Variants in ZC3H11A observed in about 807,000 individuals in gnomAD.
ZC3H11A encodes zinc finger CCCH domain-containing protein 11A.
Under a neutral mutation model 90.8 loss-of-function variants are expected in ZC3H11A, and 22 were observed. That is an observed-to-expected ratio of 0.24 (90% CI 0.17 to 0.35). The LOEUF is 0.35. Ranked by LOEUF, ZC3H11A falls within the 10% of genes least tolerant of loss-of-function variation. The probability of loss-of-function intolerance (pLI) is 1.00; values close to 1 mark genes in which losing one functional copy is unlikely to be tolerated. For missense variants in ZC3H11A, 701 were observed against 964.9 expected, an observed-to-expected ratio of 0.73 and a Z score of 3.62; for synonymous variants, 294 against 339.8, an observed-to-expected ratio of 0.87 and a Z score of 1.48.
intron 4 of ZC3H11A, among the ~76,000 whole-genome samples, chr1:203,821,819 G>A (rs1320384213): frequency 2.0e-5 from 3 of 151,264 alleles, no homozygotes; most frequent in Non-Finnish European, 4.4e-5. Flanking sequence ...GTGCAGTGGC[G>A]CGATCTCCGC....
chr1:203,810,621 G>A (rs1674114575), intron 2 of ZC3H11A, among the ~76,000 whole-genome samples: 2 of 151,884 alleles, frequency 1.3e-5, no homozygotes, highest in Non-Finnish European at 2.9e-5. Flanking sequence ...GGGTTTCACA[G>A]TGTCAGCCAG....
At chr1:203,805,702 A>G in intron 2 of ZC3H11A, 1 of 663,532 alleles carries the variant, frequency 1.5e-6, no homozygotes, top group Non-Finnish European at 2.9e-6. Context: ...ACCTTCTGGA[A>G]TTGCAGGTGC....
chr1:203,799,556 C>T, intron 1 of ZC3H11A: 1 of 702,992 alleles, frequency 1.4e-6, no homozygotes, highest in South Asian at 1.5e-5. Flanking sequence ...TTGTGCTCAC[C>T]TCCCTTCAGT....
chr1:203,837,936 A>G (rs781384094), intron 10 of ZC3H11A, 30 bp from the exon 11 acceptor site: 4 of 1,592,614 alleles, frequency 2.5e-6, no homozygotes, highest in African/African-American at 1.4e-5. Context: ...ATTGACTTGA[A>G]ATCTTAAACT....
intron 4 of ZC3H11A, among the ~76,000 whole-genome samples, chr1:203,820,537 G>A (rs1391109945): frequency 2.6e-5 from 4 of 151,392 alleles, no homozygotes; most frequent in South Asian, 4.1e-4. Flanking sequence ...GAGTGCAGTG[G>A]TGGGATCTCA....
At chr1:203,837,082 C>T (rs939749828) in intron 10 of ZC3H11A, among the ~76,000 whole-genome samples, 1 of 151,914 alleles carries the variant, frequency 6.6e-6, no homozygotes, top group Non-Finnish European at 1.5e-5. Flanking sequence ...ATCACCTGAG[C>T]TCAGGAGTTC....
In ZC3H11A at chr1:203,837,183, T is replaced by C. The variant is rs902382579; in HGVS notation, c.875-783T>C. 4.0e-5 allele frequency among the ~76,000 whole-genome samples: 6 copies of C among 150,974 alleles called. No individual in the cohort carries two copies. In the East Asian group the frequency reaches 1.2e-3, roughly 30 times the overall value. On this transcript the variant is annotated intron_variant, in intron 10 of 17. Transcript: ENST00000367210. ...GGCATGTGCCTATAGTCCAGCTACT[T>C]GGGAGGCTGAGGTGGGAGGATCGCT... is the stretch of plus-strand genomic sequence containing the variant.
At position 203,820,858 on chromosome 1, in the gene ZC3H11A, A is replaced by G. The variant is rs538292649; in HGVS notation, c.174+2169A>G. Among the ~76,000 whole-genome samples the G allele has an allele frequency of 4.6e-5, 7 of 152,262 alleles. No homozygotes were observed. The East Asian group carries it at 1.2e-3, about 25-fold the overall frequency. Reference sequence around the variant, plus strand: ...TGGTGATGTTAACTTTGATCACTCAATTAAGATGGTATCTGCCAGATTGCT... The same window carrying G: ...TGGTGATGTTAACTTTGATCACTCAGTTAAGATGGTATCTGCCAGATTGCT... On this transcript the variant is annotated intron_variant, in intron 4 of 17. Coordinates refer to ENST00000367210, the MANE Select transcript of ZC3H11A (RefSeq NM_001376342.1).
At position 203,818,306 on chromosome 1, in the gene ZC3H11A, C is replaced by T. The variant is rs1214678049; in HGVS notation, c.55-264C>T. On this transcript the variant is annotated intron_variant, in intron 3 of 17. Transcript: ENST00000367210. ...AAATACATTTTTAAAGAGGACCTAA[C>T]ACTCCTACTTGTCTTTTTCAACTCT... 3.6e-3 allele frequency among the ~76,000 whole-genome samples: 536 copies of T among 150,886 alleles called. 4 individuals carry two copies. The highest frequency in any genetic ancestry group is 6.5e-3 in the Non-Finnish European group (433 of 66,994).
chr1:203,830,001 A>G, intron 7 of ZC3H11A, 105 bp downstream of exon 7: 1 of 1,271,652 alleles, frequency 7.9e-7, no homozygotes, highest in Non-Finnish European at 1.1e-6. Context: ...TGCTACACGC[A>G]TACTTACCTA....
Position 203,852,697 on chromosome 1 carries a change from A to G in ZC3H11A, c.*298A>G, listed in dbSNP as rs1024126238. On this transcript the variant is annotated 3_prime_UTR_variant, in exon 18 of 18. Coordinates refer to ENST00000367210, the MANE Select transcript of ZC3H11A (RefSeq NM_001376342.1). Reference sequence around the variant, plus strand: ...GAGGGAGATCAAGTGAAAGGGTGCAAGCGAACTTAGTGACTCCTTGAGGTG... The same window carrying G: ...GAGGGAGATCAAGTGAAAGGGTGCAGGCGAACTTAGTGACTCCTTGAGGTG... 2.5e-6 allele frequency: 1 copy of G among 403,676 alleles called. No individual in the cohort carries two copies. The highest frequency in any genetic ancestry group is 2.1e-5 in the African/African-American group (1 of 48,632). The allele number at this position is 403,676 out of a possible 1,614,324, so 25.0% of individuals were successfully genotyped here. A position where few individuals can be genotyped will look rare whatever the true frequency, so the allele number is the denominator to read the frequency against.
At chr1:203,807,325 G>T (rs945716387) in intron 2 of ZC3H11A, among the ~76,000 whole-genome samples, 4 of 152,030 alleles carry the variant, frequency 2.6e-5, no homozygotes, top group Non-Finnish European at 4.4e-5. Flanking sequence ...TTGCTCTTTT[G>T]CCCAGGTTGG....
chr1:203,846,160 TG>T lies in ZC3H11A; in HGVS notation c.1043-1014del, dbSNP rs35704322. ...AGATTTTGAAAAGATATAATTTTTTTGGGGGGGGGGTTCATTAAAAGCTGTT... is the reference window on the plus strand; with the variant it reads ...AGATTTTGAAAAGATATAATTTTTTTGGGGGGGGGTTCATTAAAAGCTGTT... On this transcript the variant is annotated intron_variant, in intron 12 of 17. Coordinates refer to ENST00000367210, the MANE Select transcript of ZC3H11A (RefSeq NM_001376342.1). Among the ~76,000 whole-genome samples, 1,156 of 131,966 alleles carry T rather than the reference TG, an allele frequency of 8.8e-3. 8 individuals carry two copies. Among genetic ancestry groups the T allele is most frequent in the African/African-American group, 0.021 (770 of 36,572 alleles). The allele number at this position is 131,966 out of a possible 152,430, so 86.6% of individuals were successfully genotyped here. A position where few individuals can be genotyped will look rare whatever the true frequency, so the allele number is the denominator to read the frequency against.
At chr1:203,809,733 C>G (rs1673679419) in intron 2 of ZC3H11A, among the ~76,000 whole-genome samples, 1 of 151,982 alleles carries the variant, frequency 6.6e-6, no homozygotes, top group Non-Finnish European at 1.5e-5. Context: ...ATGGGCAGAT[C>G]ACTTGAGGTC....
chr1:203,830,127 A>G lies in ZC3H11A; in HGVS notation c.624A>G (p.Glu208=), dbSNP rs1183374055. ...RKPAVNIKQG[E]CLNFGIKTLE... ...AATTTCTATTTGAATTTTCAGGTGAATGTTTGAATTTTGGAATAAAAACTC... is the reference window on the plus strand; with the variant it reads ...AATTTCTATTTGAATTTTCAGGTGAGTGTTTGAATTTTGGAATAAAAACTC... The change falls in exon 8 of 18, where the codon GAA becomes GAG. Residue 208 remains glutamate, a synonymous_variant. Coordinates refer to ENST00000367210, the MANE Select transcript of ZC3H11A (RefSeq NM_001376342.1). 1 of 1,592,204 alleles carries G rather than the reference A, an allele frequency of 6.3e-7. No homozygotes were observed. The highest frequency in any genetic ancestry group is 8.5e-7 in the Non-Finnish European group (1 of 1,172,104).
chr1:203,824,667 A>G (rs953459725), intron 4 of ZC3H11A, among the ~76,000 whole-genome samples: 10 of 152,102 alleles, frequency 6.6e-5, no homozygotes, highest in African/African-American at 2.4e-4. Flanking sequence ...TTCATGATGT[A>G]TTTGGTTCCA....
Position 203,838,264 on chromosome 1 carries a change from C to T in ZC3H11A, c.973+200C>T, listed in dbSNP as rs114343340. 7.5e-3 allele frequency among the ~76,000 whole-genome samples: 1,144 copies of T among 152,262 alleles called. 6 individuals are homozygous for T. The highest frequency in any genetic ancestry group is 0.012 in the Non-Finnish European group (804 of 68,026). ...CCATTGAAAAAAACACCGTCACACT[C>T]CTCAGGAGCTTATAGTATAAATGGC... On this transcript the variant is annotated intron_variant, in intron 11 of 17. Coordinates refer to ENST00000367210, the MANE Select transcript of ZC3H11A (RefSeq NM_001376342.1).
intron 1 of ZC3H11A, chr1:203,798,299 T>G: frequency 6.5e-7 from 1 of 1,536,048 alleles, no homozygotes; most frequent in Non-Finnish European, 8.7e-7. Flanking sequence ...ATGCTTTAAT[T>G]CCTGGAACTA....
At chr1:203,836,097 A>G (rs1329486030) in intron 10 of ZC3H11A, among the ~76,000 whole-genome samples, 1 of 152,170 alleles carries the variant, frequency 6.6e-6, no homozygotes, top group Non-Finnish European at 1.5e-5. Flanking sequence ...AAAAAATAAT[A>G]CTAAGCCAGG....
Sources: allele counts gnomAD v4.1 joint callset (sites outside exome capture counted in the v4.1 genomes callset), GRCh38; gene constraint gnomAD v4.1.1; transcripts MANE v1.5; gene names NCBI Gene and HGNC (gene_info 2026-07-23, HGNC 2026-07-21).